Variants in MEGF10 observed in about 807,000 individuals in gnomAD.
The protein encoded by MEGF10 is multiple epidermal growth factor-like domains protein 10.
MEGF10 carries 86 observed loss-of-function variants against 147.5 expected under a neutral mutation model. The ratio of observed to expected loss-of-function variants is 0.58; its 90% CI spans 0.49 to 0.70. The LOEUF (loss-of-function observed/expected upper bound fraction) is 0.70. Among genes scored for constraint, MEGF10 ranks in the 30% least tolerant of loss-of-function variants. The pLI, the probability that MEGF10 is intolerant of heterozygous loss-of-function variation, is 0.00. For synonymous variants in MEGF10, 478 were observed against 525.5 expected (o/e 0.91, Z 1.24); for missense variants, 1,329 against 1,487.3 (o/e 0.89, Z 1.75).
At chr5:127,305,457 C>T (rs1003929605) in intron 1 of MEGF10, among the ~76,000 whole-genome samples, 3 of 152,082 alleles carry the variant, frequency 2.0e-5, no homozygotes, top group Non-Finnish European at 4.4e-5. Flanking sequence ...GTTCCTTGCA[C>T]CCAAGAGATC....
chr5:127,417,776 T>G lies in MEGF10; in HGVS notation c.1269T>G (p.Ser423Arg), dbSNP rs751470361. 6.2e-7 allele frequency: 1 copy of G among 1,614,010 alleles called. No homozygotes were observed. Among genetic ancestry groups the G allele is most frequent in the Non-Finnish European group, 8.5e-7 (1 of 1,180,012 alleles). Reference sequence around the variant, plus strand: ...GCCAAAATGGGGCAGACTGTGACAGTGTGACTGGAAAGTGCACCTGTGCCC... The same window carrying G: ...GCCAAAATGGGGCAGACTGTGACAGGGTGACTGGAAAGTGCACCTGTGCCC... ...CSCQNGADCDSVTGKCTCAPG... is the reference protein window; with the variant it reads ...CSCQNGADCDRVTGKCTCAPG... Residue 423 changes from serine to arginine, a missense_variant, in exon 10 of 25, where the codon AGT becomes AGG. Transcript: ENST00000503335.
chr5:127,382,897 T>G (rs532851910), intron 5 of MEGF10, among the ~76,000 whole-genome samples: 132 of 152,296 alleles, frequency 8.7e-4, no homozygotes, highest in Non-Finnish European at 1.5e-3. Context: ...AAGATGTCAT[T>G]TCTCACCATC....
the MEGF10 span, among the ~76,000 whole-genome samples, chr5:127,255,152 A>G: frequency 2.6e-5 from 4 of 152,132 alleles, no homozygotes; most frequent in East Asian, 7.8e-4. Flanking sequence ...TGGTTGAATC[A>G]TGAGTCACAG....
At chr5:127,396,473 C>T (rs1014661880) in intron 5 of MEGF10, 59 bp from the exon 6 acceptor site, 13 of 1,479,046 alleles carry the variant, frequency 8.8e-6, no homozygotes, top group Admixed American at 4.7e-5. Context: ...CCCCGAGAGG[C>T]GAAGAAATCT....
At chr5:127,411,871 T>C (rs979320818) in intron 9 of MEGF10, among the ~76,000 whole-genome samples, 1 of 152,198 alleles carries the variant, frequency 6.6e-6, no homozygotes, top group African/African-American at 2.4e-5. Context: ...GTAAGCCTCA[T>C]GTAGTGACAA....
At chr5:127,362,227 A>T (rs942342293) in intron 4 of MEGF10, among the ~76,000 whole-genome samples, 1 of 151,692 alleles carries the variant, frequency 6.6e-6, no homozygotes, top group Non-Finnish European at 1.5e-5. Flanking sequence ...ACATGTTATC[A>T]TTATAAAGTG....
At chr5:127,273,458 C>T in the MEGF10 span, among the ~76,000 whole-genome samples, 6 of 152,224 alleles carry the variant, frequency 3.9e-5, no homozygotes, top group African/African-American at 1.2e-4. Flanking sequence ...TTTCATTCTG[C>T]TCTGTGAGTG....
chr5:127,422,677 C>A lies in MEGF10; in HGVS notation c.1598C>A (p.Thr533Lys), dbSNP rs150043761. The change falls in exon 13 of 25, where the codon ACG (threonine) becomes AAG (lysine). Residue 533 changes from threonine (T) to lysine (K), a missense_variant. By Grantham distance (78) the Thr-to-Lys change is moderately conservative. Coordinates refer to ENST00000503335, the MANE Select transcript of MEGF10 (RefSeq NM_001256545.2). ...ATGCTGTTTTCCATGCAGGATGGCA[C>A]GTACGGGCTGAACTGTGCTGAGCGC... ...EKCELPCQDG[T>K]YGLNCAERCD... The A allele has an allele frequency of 8.2e-5, 132 of 1,613,916 alleles. No individual in the cohort carries two copies. In the African/African-American group the frequency reaches 1.6e-3, roughly 20 times the overall value.
chr5:127,342,070 A>G (rs932084038), intron 4 of MEGF10, among the ~76,000 whole-genome samples: 2 of 152,188 alleles, frequency 1.3e-5, no homozygotes, highest in Non-Finnish European at 2.9e-5. Context: ...TCTTCCTTTC[A>G]CTAATTTTTT....
chr5:127,231,538 T>C, the MEGF10 span, among the ~76,000 whole-genome samples: 3 of 152,370 alleles, frequency 2.0e-5, no homozygotes, highest in South Asian at 6.2e-4. Context: ...CATCAACCCC[T>C]TTATTTTCTT....
chr5:127,263,908 A>G, the MEGF10 span, among the ~76,000 whole-genome samples: 4 of 152,178 alleles, frequency 2.6e-5, no homozygotes, highest in African/African-American at 9.6e-5. Flanking sequence ...AGCCTGCACA[A>G]TGTAATTCCC....
chr5:127,390,671 A>G (rs1271869837), intron 5 of MEGF10, among the ~76,000 whole-genome samples: 3 of 152,208 alleles, frequency 2.0e-5, no homozygotes, highest in Non-Finnish European at 2.9e-5. Context: ...AAAATCATTT[A>G]ATTAATCGAT....
At chr5:127,315,900 A>T (rs1367649066) in intron 1 of MEGF10, among the ~76,000 whole-genome samples, 1 of 152,222 alleles carries the variant, frequency 6.6e-6, no homozygotes, top group Non-Finnish European at 1.5e-5. Context: ...CTCTAAGAAC[A>T]TGTTGAAGCA....
the MEGF10 span, among the ~76,000 whole-genome samples, chr5:127,247,355 A>G: frequency 1.4e-3 from 3 of 2,142 alleles, no homozygotes; most frequent in South Asian, 0.038. Context: ...AAGAAGAAGA[A>G]GAAGAAGAAG....
At chr5:127,358,405 G>A (rs563887706) in intron 4 of MEGF10, among the ~76,000 whole-genome samples, 2 of 152,258 alleles carry the variant, frequency 1.3e-5, no homozygotes, top group Non-Finnish European at 2.9e-5. Context: ...CAGATGTATT[G>A]GATAACCGGA....
chr5:127,251,225 G>C, the MEGF10 span, among the ~76,000 whole-genome samples: 1 of 152,004 alleles, frequency 6.6e-6, no homozygotes, highest in Non-Finnish European at 1.5e-5. Context: ...TAGGGTTTGC[G>C]CAGGTATAGG....
the MEGF10 span, among the ~76,000 whole-genome samples, chr5:127,248,841 G>T: frequency 6.6e-6 from 1 of 151,130 alleles, no homozygotes; most frequent in East Asian, 1.9e-4. Flanking sequence ...AAATCAATCT[G>T]CAGATCTAAA....
chr5:127,248,280 A>G, the MEGF10 span, among the ~76,000 whole-genome samples: 2 of 152,140 alleles, frequency 1.3e-5, no homozygotes, highest in Non-Finnish European at 2.9e-5. Flanking sequence ...GGGAGGCAAT[A>G]TAATCCAAAC....
the MEGF10 span, among the ~76,000 whole-genome samples, chr5:127,236,901 A>G: frequency 9.8e-5 from 15 of 152,366 alleles, no homozygotes; most frequent in East Asian, 2.7e-3. Context: ...GAGAACTGAG[A>G]GAATCCTTTC....
Sources: allele counts gnomAD v4.1 joint callset (sites outside exome capture counted in the v4.1 genomes callset), GRCh38; gene constraint gnomAD v4.1.1; transcripts MANE v1.5; gene names NCBI Gene and HGNC (gene_info 2026-07-23, HGNC 2026-07-21).